Variants in CCDC80 observed in about 807,000 individuals in gnomAD.
The protein encoded by CCDC80 is coiled-coil domain containing 80.
In CCDC80, 49 loss-of-function variants were observed where a neutral mutation model predicts 78.7. The observed-to-expected ratio is 0.62, with a 90% confidence interval of 0.50 to 0.79. CCDC80 has a LOEUF of 0.79. CCDC80 is among the 30% of genes least tolerant of loss of function. The probability of loss-of-function intolerance (pLI) is 0.00; values close to 1 mark genes in which losing one functional copy is unlikely to be tolerated. For missense variants in CCDC80, 1,205 were observed against 1,198.6 expected, an observed-to-expected ratio of 1.01 and a Z score of -0.08; for synonymous variants, 488 against 447.0, an observed-to-expected ratio of 1.09 and a Z score of -1.16.
rs1042065111 is a variant in CCDC80, at chr3:112,599,830, A to C, written c.*5587T>G. On this transcript the variant is annotated 3_prime_UTR_variant, in exon 8 of 8. Coordinates refer to ENST00000206423, the MANE Select transcript of CCDC80 (RefSeq NM_199511.3). ...TCTGCTGAATTAATATTCACCTCAG[A>C]GCCCTGGGAGATGTCTGATGAAAAG... The C allele has an allele frequency of 2.0e-5, 3 of 152,220 alleles. No individual in the cohort carries two copies. The highest frequency in any genetic ancestry group is 4.4e-5 in the Non-Finnish European group (3 of 68,052). 9.4% of individuals were successfully genotyped at this position (152,220 alleles called of 1,614,324 possible).
chr3:112,602,702 G>A lies in CCDC80; in HGVS notation c.*2715C>T, dbSNP rs1288065137. 2 of 152,244 alleles carry A rather than the reference G, an allele frequency of 1.3e-5. No individual in the cohort carries two copies. Among genetic ancestry groups the A allele is most frequent in the African/African-American group, 2.4e-5 (1 of 41,444 alleles). 9.4% of individuals were successfully genotyped at this position (152,244 alleles called of 1,614,324 possible). A position where few individuals can be genotyped will look rare whatever the true frequency, so the allele number is the denominator to read the frequency against. ...TTCAATTCTATGAAAGCTAAAGGGA[G>A]GTGAGGAAGCTTCAGAAAAAAAGTT... On this transcript the variant is annotated 3_prime_UTR_variant, in exon 8 of 8. Coordinates refer to ENST00000206423, the MANE Select transcript of CCDC80 (RefSeq NM_199511.3).
intron 3 of CCDC80, among the ~76,000 whole-genome samples, chr3:112,624,366 G>A (rs1298171299): frequency 1.3e-5 from 2 of 152,190 alleles, no homozygotes; most frequent in African/African-American, 2.4e-5. Context: ...GCATAAGCCA[G>A]GAGGTAGATG....
rs968149360 is a variant in CCDC80 at position 112,597,473 on chromosome 3, C to G, written c.*7944G>C. 3.3e-5 allele frequency: 5 copies of G among 152,000 alleles called. No homozygotes were observed. In the East Asian group the frequency reaches 7.7e-4, roughly 23 times the overall value. 9.4% of individuals were successfully genotyped at this position (152,000 alleles called of 1,614,324 possible). On this transcript the variant is annotated 3_prime_UTR_variant, in exon 8 of 8. Transcript: ENST00000206423. ...CAAAGTGCAAGTCTAGGTATATTCT[C>G]TAGTTTCAATCTTGGTGAAATTTTT...
At chr3:112,616,449 G>GAAAAAAAAAAAAAAAAAAA (rs59366104) in intron 5 of CCDC80, among the ~76,000 whole-genome samples, 38 of 133,628 alleles carry the variant, frequency 2.8e-4, no homozygotes, top group African/African-American at 4.7e-4. Flanking sequence ...AAAAAGAAAA[G>GAAAAAAAAAAAAAAAAAAA]AAAAAAAAAA....
intron 5 of CCDC80, among the ~76,000 whole-genome samples, chr3:112,615,433 T>C (rs1238317922): frequency 6.6e-6 from 1 of 152,060 alleles, no homozygotes; most frequent in Non-Finnish European, 1.5e-5. Context: ...TGTAAGTTTG[T>C]TGTGTGTAGT....
Position 112,599,064 on chromosome 3 carries a change from T to G in CCDC80, c.*6353A>C, listed in dbSNP as rs1403493016. 6.6e-6 allele frequency: 1 copy of G among 152,150 alleles called. No individual in the cohort carries two copies. Among genetic ancestry groups the G allele is most frequent in the African/African-American group, 2.4e-5 (1 of 41,432 alleles). The allele number at this position is 152,150 out of a possible 1,614,324, so 9.4% of individuals were successfully genotyped here. A position where few individuals can be genotyped will look rare whatever the true frequency, so the allele number is the denominator to read the frequency against. ...CTACTCACAGAGGGCCAAGAAAAAT[T>G]CACAAATGTCACAAACTTAGGAACT... On this transcript the variant is annotated 3_prime_UTR_variant, in exon 8 of 8. Transcript: ENST00000206423.
rs1400534681 is a variant in CCDC80 at position 112,605,606 on chromosome 3, A to C, written c.2664T>G (p.Ile888Met). 2.5e-6 allele frequency: 4 copies of C among 1,614,086 alleles called. No individual in the cohort carries two copies. Among genetic ancestry groups the C allele is most frequent in the Non-Finnish European group, 3.4e-6 (4 of 1,180,040 alleles). Residue 888 changes from isoleucine to methionine, a missense_variant, in exon 8 of 8, where the codon ATT (isoleucine) becomes ATG (methionine). Ile to Met is a conservative substitution (Grantham distance 10, BLOSUM62 1). Transcript: ENST00000206423. The part of the protein sequence containing the change: ...WYPSPMWSMV[I>M]VYDLIDSMQL... ...GCATCGAATCAATTAAATCGTACAC[A>C]ATCACCATGGACCACATTGGGGAAG...
Position 112,618,917 on chromosome 3 carries a change from A to G in CCDC80, c.2172+51T>C, listed in dbSNP as rs148463948. ...TGGACTGTTTAACAAAACAATTCAG[A>G]TTTGCTATTCTAAGAAATAGTACTA... On this transcript the variant is annotated intron_variant, in intron 4 of 7. Transcript: ENST00000206423. 4,469 of 1,562,662 alleles carry G rather than the reference A, an allele frequency of 2.9e-3. 59 individuals carry two copies. Among genetic ancestry groups the G allele is most frequent in the South Asian group, 0.023 (2,029 of 86,712 alleles).
At chr3:112,628,509 G>A (rs1936025716) in intron 3 of CCDC80, among the ~76,000 whole-genome samples, 1 of 152,112 alleles carries the variant, frequency 6.6e-6, no homozygotes, top group South Asian at 2.1e-4. Context: ...TTACCTGACT[G>A]GCATTTCTGT....
At position 112,638,600 on chromosome 3, in the gene CCDC80, C is replaced by A; in HGVS notation, c.1306G>T (p.Ala436Ser). The change falls in exon 2 of 8, where the codon GCC becomes TCC. Residue 436 changes from alanine to serine, a missense_variant. Transcript: ENST00000206423. The stretch of plus-strand genomic sequence containing the variant: ...TTTGTGAAGCTCTCCAAGCTGGTGG[C>A]CTTGCTGGGCCTCCTGGTTGTCTGT... ...RPQTTRRPSK[A>S]TSLESFTNAP... is the part of the protein sequence containing the mutation. 2 of 1,613,886 alleles carry A rather than the reference C, an allele frequency of 1.2e-6. No homozygotes were observed. The highest frequency in any genetic ancestry group is 1.7e-6 in the Non-Finnish European group (2 of 1,179,962).
In CCDC80 at chr3:112,636,319, T is replaced by TCCC. The variant is rs879623583; in HGVS notation, c.1878+1708_1878+1709insGGG. Among the ~76,000 whole-genome samples, 809 of 152,318 alleles carry TCCC rather than the reference T, an allele frequency of 5.3e-3. 2 individuals are homozygous for TCCC. Among genetic ancestry groups the TCCC allele is most frequent in the Admixed American group, 9.5e-3 (146 of 15,300 alleles). On this transcript the variant is annotated intron_variant, in intron 2 of 7. Coordinates refer to ENST00000206423, the MANE Select transcript of CCDC80 (RefSeq NM_199511.3). Reference sequence around the variant, plus strand: ...GGGAACATTCCCATTTAAATATATGTACTCTGAGAATATCCAAGCGACCTG... The same window carrying TCCC: ...GGGAACATTCCCATTTAAATATATGTCCCACTCTGAGAATATCCAAGCGACCTG...
intron 5 of CCDC80, among the ~76,000 whole-genome samples, chr3:112,611,715 A>G (rs1935632896): frequency 6.6e-6 from 1 of 152,210 alleles, no homozygotes; most frequent in African/African-American, 2.4e-5. Context: ...GTATGCATCT[A>G]AGGGGCAACT....
chr3:112,630,072 T>A (rs374719966), intron 3 of CCDC80, 41 bp downstream of exon 3: 29 of 1,579,876 alleles, frequency 1.8e-5, no homozygotes, highest in Non-Finnish European at 2.5e-5. Flanking sequence ...CCACCTTAGA[T>A]ATGAGAAAAA....
chr3:112,629,075 G>A (rs188589899), intron 3 of CCDC80, among the ~76,000 whole-genome samples: 1 of 152,202 alleles, frequency 6.6e-6, no homozygotes, highest in East Asian at 1.9e-4. Context: ...AATATAACTA[G>A]TATGTCTTCA....
intron 3 of CCDC80, among the ~76,000 whole-genome samples, chr3:112,625,016 G>A (rs1935937447): frequency 1.3e-5 from 2 of 152,138 alleles, no homozygotes; most frequent in Non-Finnish European, 2.9e-5. Context: ...GTAGAAAGGG[G>A]AGGTGGGAGT....
rs1935383859 is a variant in CCDC80, at chr3:112,601,984, A to G, written c.*3433T>C. 1 of 152,180 alleles carries G rather than the reference A, an allele frequency of 6.6e-6. No individual in the cohort carries two copies. Among genetic ancestry groups the G allele is most frequent in the African/African-American group, 2.4e-5 (1 of 41,422 alleles). 9.4% of individuals were successfully genotyped at this position (152,180 alleles called of 1,614,324 possible). ...TCTTATTTTATTATACTTCTCAGAT[A>G]CTGCATTTTTTACAAATTGAAGGTT... On this transcript the variant is annotated 3_prime_UTR_variant, in exon 8 of 8. Coordinates refer to ENST00000206423, the MANE Select transcript of CCDC80 (RefSeq NM_199511.3).
chr3:112,621,712 A>G (rs1576787509), intron 3 of CCDC80, among the ~76,000 whole-genome samples: 1 of 152,340 alleles, frequency 6.6e-6, no homozygotes, highest in South Asian at 2.1e-4. Context: ...GTTGCTGTCA[A>G]TATAAGCAGC....
intron 7 of CCDC80, among the ~76,000 whole-genome samples, chr3:112,606,552 G>A (rs1576778173): frequency 6.6e-6 from 1 of 152,112 alleles, no homozygotes; most frequent in South Asian, 2.1e-4. Context: ...CAGCCTCCCA[G>A]GTAGCTGGGA....
chr3:112,610,217 C>T (rs926379663), intron 5 of CCDC80, 136 bp from the exon 6 acceptor site: 2 of 724,164 alleles, frequency 2.8e-6, no homozygotes, highest in Admixed American at 2.2e-5. Context: ...AGAGAACTGT[C>T]CCATGCTTCT....
Sources: gnomAD v4.1 joint callset for allele counts (sites outside exome capture counted in the v4.1 genomes callset) on GRCh38, gnomAD v4.1.1 for gene constraint, MANE v1.5 for transcripts, NCBI Gene and HGNC (gene_info 2026-07-23, HGNC 2026-07-21) for gene names.